The following CALN1 variants were observed in gnomAD, a reference collection of about 807,000 sequenced individuals.
CALN1 encodes calneuron 1, also known as calcium-binding protein 8.
In CALN1, 17 loss-of-function variants were observed where a neutral mutation model predicts 30.6. The ratio of observed to expected loss-of-function variants is 0.56; its 90% CI spans 0.38 to 0.83. CALN1 has a LOEUF of 0.83. CALN1 is among the 40% of genes least tolerant of loss of function. The pLI, the probability that CALN1 is intolerant of heterozygous loss-of-function variation, is 0.00. For synonymous variants in CALN1, 156 were observed against 131.4 expected, an observed-to-expected ratio of 1.19 and a Z score of -1.28; for missense variants, 291 against 354.9, an observed-to-expected ratio of 0.82 and a Z score of 1.45.
intron 3 of CALN1, among the ~76,000 whole-genome samples, chr7:72,108,835 C>A (rs1312909464): frequency 6.6e-6 from 1 of 152,204 alleles, no homozygotes; most frequent in Admixed American, 6.5e-5. Context: ...AGCCTCTCAG[C>A]TTCCTTGGAC....
At chr7:72,112,221 C>G (rs1400573501) in intron 3 of CALN1, among the ~76,000 whole-genome samples, 3 of 152,158 alleles carry the variant, frequency 2.0e-5, no homozygotes, top group African/African-American at 7.2e-5. Context: ...AAAGTCCAGA[C>G]ACCAGCCAGC....
intron 5 of CALN1, among the ~76,000 whole-genome samples, chr7:71,849,116 C>T (rs1355321604): frequency 6.6e-6 from 1 of 152,158 alleles, no homozygotes; most frequent in East Asian, 1.9e-4. Context: ...ACTCTATTTA[C>T]ATCTAACCAT....
In CALN1 at chr7:72,299,872, T is replaced by C. The variant is rs143582197; in HGVS notation, c.120-21062A>G. On this transcript the variant is annotated intron_variant, in intron 2 of 6. Coordinates refer to ENST00000395275, the MANE Select transcript of CALN1 (RefSeq NM_031468.4). Reference sequence around the variant, plus strand: ...TTTTCAATGGGGGAGAGTTTTTGTTTCAATTTTTGTTTTGTTTTGTTTTTT... The same window carrying C: ...TTTTCAATGGGGGAGAGTTTTTGTTCCAATTTTTGTTTTGTTTTGTTTTTT... Among the ~76,000 whole-genome samples, 224 of 151,916 alleles carry C rather than the reference T, an allele frequency of 1.5e-3. 3 individuals carry two copies. The highest frequency in any genetic ancestry group is 0.012 in the East Asian group (64 of 5,146).
chr7:71,783,861 C>T lies in CALN1; in HGVS notation c.*3914G>A, dbSNP rs189986140. On this transcript the variant is annotated 3_prime_UTR_variant, in exon 7 of 7. Transcript: ENST00000395275. ...AGGCTCTTTTGGATAACTGCAAGAT[C>T]GTAGACCATTTGTCAAGTGAGATTT... 2.6e-5 allele frequency: 4 copies of T among 152,616 alleles called. No homozygotes were observed. Among genetic ancestry groups the T allele is most frequent in the South Asian group, 2.1e-4 (1 of 4,822 alleles). The allele number at this position is 152,616 out of a possible 1,614,324, so 9.5% of individuals were successfully genotyped here.
intron 3 of CALN1, among the ~76,000 whole-genome samples, chr7:72,220,003 C>G (rs563359092): frequency 7.0e-6 from 1 of 142,700 alleles, no homozygotes; most frequent in African/African-American, 2.6e-5. Context: ...TTATTTGAAG[C>G]AACCAAATTG....
At chr7:72,277,033 T>G (rs1797378284) in intron 3 of CALN1, among the ~76,000 whole-genome samples, 1 of 151,880 alleles carries the variant, frequency 6.6e-6, no homozygotes, top group Non-Finnish European at 1.5e-5. Context: ...TCCTGAACTG[T>G]GCGAAATAAA....
At chr7:71,818,812 C>T (rs531815420) in intron 5 of CALN1, among the ~76,000 whole-genome samples, 18 of 151,790 alleles carry the variant, frequency 1.2e-4, no homozygotes, top group African/African-American at 3.6e-4. Context: ...TGGGTTCAAG[C>T]GATTCTCCTG....
intron 5 of CALN1, among the ~76,000 whole-genome samples, chr7:71,977,515 C>G (rs1314888371): frequency 6.6e-6 from 1 of 152,272 alleles, no homozygotes; most frequent in East Asian, 1.9e-4. Flanking sequence ...CCTGCTTCCT[C>G]TCATCAGATT....
chr7:72,298,465 A>G (rs776688840), intron 2 of CALN1, among the ~76,000 whole-genome samples: 6 of 152,186 alleles, frequency 3.9e-5, no homozygotes, highest in Non-Finnish European at 8.8e-5. Context: ...TAACTCATAG[A>G]GTAACTAATG....
At chr7:72,336,238 G>C (rs999142056) in intron 2 of CALN1, among the ~76,000 whole-genome samples, 5 of 152,282 alleles carry the variant, frequency 3.3e-5, no homozygotes, top group African/African-American at 1.2e-4. Flanking sequence ...CCGGCTTCGC[G>C]AAGAGACCTG....
Position 71,784,960 on chromosome 7 carries a change from A to C in CALN1, c.*2815T>G. The C allele has an allele frequency of 2.5e-6, 1 of 398,186 alleles. No homozygotes were observed. 24.7% of individuals were successfully genotyped at this position (398,186 alleles called of 1,614,324 possible). A position where few individuals can be genotyped will look rare whatever the true frequency, so the allele number is the denominator to read the frequency against. ...GCTGGGAGTTGGCTGCCTGACAAGG[A>C]AGGCTTCCCTATACCCAAGACAAAC... On this transcript the variant is annotated 3_prime_UTR_variant, in exon 7 of 7. Coordinates refer to ENST00000395275, the MANE Select transcript of CALN1 (RefSeq NM_031468.4).
At chr7:72,207,849 A>G (rs1792004801) in intron 3 of CALN1, among the ~76,000 whole-genome samples, 1 of 152,184 alleles carries the variant, frequency 6.6e-6, no homozygotes, top group African/African-American at 2.4e-5. Flanking sequence ...CATATATATT[A>G]CTTTTATAGT....
rs1296105545 is a variant in CALN1 at position 72,435,199 on chromosome 7, C to T, written c.-226+11843G>A. 2.0e-5 allele frequency among the ~76,000 whole-genome samples: 3 copies of T among 149,176 alleles called. No individual in the cohort carries two copies. In the Admixed American group the frequency reaches 2.0e-4, roughly 10 times the overall value. On this transcript the variant is annotated intron_variant, in intron 1 of 6. Coordinates refer to the CALN1 transcript ENST00000395276. ...GCAGTGAGCCATGATTGCACCATTG[C>T]ACTCCAGCCTGGGCAACAGAGCCAA...
chr7:72,478,723 T>C, the CALN1 span, among the ~76,000 whole-genome samples: 2 of 152,006 alleles, frequency 1.3e-5, no homozygotes, highest in African/African-American at 4.8e-5. Context: ...ACTGTGAGTG[T>C]ATCATAAATA....
At chr7:72,374,731 T>C (rs186830283) in intron 2 of CALN1, among the ~76,000 whole-genome samples, 24 of 152,250 alleles carry the variant, frequency 1.6e-4, no homozygotes, top group African/African-American at 5.5e-4. Context: ...ATATCCAAAA[T>C]TGTTCTGGAG....
intron 5 of CALN1, among the ~76,000 whole-genome samples, chr7:71,871,571 A>G (rs1416162754): frequency 6.6e-6 from 1 of 152,130 alleles, no homozygotes; most frequent in Non-Finnish European, 1.5e-5. Context: ...CAACCGAGTA[A>G]GACCCCATCT....
At chr7:72,357,869 T>G (rs1043731659) in intron 2 of CALN1, among the ~76,000 whole-genome samples, 20 of 147,786 alleles carry the variant, frequency 1.4e-4, no homozygotes, top group Admixed American at 4.7e-4. Context: ...TATATGTGTG[T>G]TTTTTTTTAG....
intron 5 of CALN1, among the ~76,000 whole-genome samples, chr7:71,884,120 G>A (rs1043562747): frequency 6.6e-6 from 1 of 152,024 alleles, no homozygotes; most frequent in Non-Finnish European, 1.5e-5. Flanking sequence ...TCACCATGTT[G>A]GCCAGGATGG....
chr7:72,351,607 C>A (rs865886340), intron 2 of CALN1, among the ~76,000 whole-genome samples: 3 of 152,172 alleles, frequency 2.0e-5, no homozygotes, highest in South Asian at 2.1e-4. Flanking sequence ...GTCAATTTAT[C>A]CATGAAGTGG....
Sources: allele counts gnomAD v4.1 joint callset (sites outside exome capture counted in the v4.1 genomes callset), GRCh38; gene constraint gnomAD v4.1.1; transcripts MANE v1.5; gene names NCBI Gene and HGNC (gene_info 2026-07-23, HGNC 2026-07-21).